Variants in SYNCRIP observed in about 807,000 individuals in gnomAD.
SYNCRIP encodes the protein heterogeneous nuclear ribonucleoprotein Q.
A neutral mutation model predicts 68.9 loss-of-function variants in SYNCRIP; 9 were observed. That is an observed-to-expected ratio of 0.13 (90% CI 0.08 to 0.23). The LOEUF is 0.23. Ranked by LOEUF, SYNCRIP falls within the 10% of genes least tolerant of loss-of-function variation. The pLI, the probability that SYNCRIP is intolerant of heterozygous loss-of-function variation, is 1.00. For synonymous variants in SYNCRIP, 258 were observed against 254.0 expected (o/e 1.02, Z -0.15); for missense variants, 414 against 770.6 (o/e 0.54, Z 5.48).
intron 6 of SYNCRIP, among the ~76,000 whole-genome samples, chr6:85,632,953 T>C (rs1431052564): frequency 7.0e-6 from 1 of 143,224 alleles, no homozygotes; most frequent in Non-Finnish European, 1.5e-5. Flanking sequence ...GTAATAATAA[T>C]TAAAACCGTT....
At chr6:85,620,228 A>AC in intron 8 of SYNCRIP, among the ~76,000 whole-genome samples, 1 of 152,372 alleles carries the variant, frequency 6.6e-6, no homozygotes, top group Admixed American at 6.5e-5. Context: ...CCTGGGTAAC[A>AC]CAGCGAGACT....
chr6:85,636,832 T>A, intron 6 of SYNCRIP, 135 bp downstream of exon 6: 1 of 725,832 alleles, frequency 1.4e-6, no homozygotes, highest in Non-Finnish European at 2.2e-6. Context: ...GCTTGCACAG[T>A]GATGTGGGAA....
rs141100944 is a variant in SYNCRIP, at chr6:85,628,340, T to A, written c.667-4228A>T. On this transcript the variant is annotated intron_variant, in intron 6 of 10. Coordinates refer to ENST00000369622, the MANE Select transcript of SYNCRIP (RefSeq NM_006372.5). ...CAAAATGCTGGGATCACAGGCATGA[T>A]CCACCGCACCTGGCCTAAAGATTTC... Among the ~76,000 whole-genome samples, 161 of 152,282 alleles carry A rather than the reference T, an allele frequency of 1.1e-3. 1 individual carries two copies. The East Asian group carries it at 0.02, about 19-fold the overall frequency.
chr6:85,638,684 A>C (rs953582886), intron 4 of SYNCRIP, among the ~76,000 whole-genome samples: 1 of 152,240 alleles, frequency 6.6e-6, no homozygotes, highest in Non-Finnish European at 1.5e-5. Flanking sequence ...AATTAATAAA[A>C]ACATTCATAA....
chr6:85,619,282 C>T lies in SYNCRIP; in HGVS notation c.1144G>A (p.Asp382Asn), dbSNP rs2128282133. ...ACCATATTTACCTTGACAGCACCATCTCGCTCATCAAAATGAATGAACGCA... is the reference window on the plus strand; with the variant it reads ...ACCATATTTACCTTGACAGCACCATTTCGCTCATCAAAATGAATGAACGCA... Reference protein sequence around the residue: ...DYAFIHFDERDGAVKAMEEMN... With the variant: ...DYAFIHFDERNGAVKAMEEMN... The change falls in exon 9 of 11, where the codon GAT becomes AAT. Residue 382 changes from aspartate (D) to asparagine (N), a missense_variant. Around this residue, in one of 6 missense-constraint regions of SYNCRIP, gnomAD observed 51 missense variants for 151.1 expected, o/e 0.34. Coordinates refer to ENST00000369622, the MANE Select transcript of SYNCRIP (RefSeq NM_006372.5). The T allele has an allele frequency of 6.2e-7, 1 of 1,613,962 alleles. No homozygotes were observed.
intron 10 of SYNCRIP, among the ~76,000 whole-genome samples, chr6:85,618,021 ATAATTT>A (rs929400338): frequency 5.9e-5 from 9 of 152,188 alleles, no homozygotes; most frequent in Admixed American, 5.9e-4. Flanking sequence ...CTACTGTGTT[ATAATTT>A]TAATACTCAT....
chr6:85,619,536 A>AT (rs1806155001), intron 8 of SYNCRIP, 119 bp from the exon 9 acceptor site: 2 of 249,216 alleles, frequency 8.0e-6, no homozygotes, highest in African/African-American at 3.5e-5. Flanking sequence ...GTCAGAATAT[A>AT]AAAAAAAAAA....
intron 6 of SYNCRIP, among the ~76,000 whole-genome samples, chr6:85,625,154 T>G (rs1303606674): frequency 6.6e-6 from 1 of 152,160 alleles, no homozygotes; most frequent in African/African-American, 2.4e-5. Context: ...AATCAAAATT[T>G]AATAAAGTTC....
At chr6:85,618,545 T>C (rs754385288) in intron 10 of SYNCRIP, among the ~76,000 whole-genome samples, 11 of 151,720 alleles carry the variant, frequency 7.3e-5, no homozygotes, top group Admixed American at 1.3e-4. Flanking sequence ...TGTCACCCAA[T>C]ACAAAACAAA....
At position 85,641,445 on chromosome 6, in the gene SYNCRIP, CAG is replaced by C. The variant is rs1359746308; in HGVS notation, c.-8_-7del. 4 of 1,611,182 alleles carry C rather than the reference CAG, an allele frequency of 2.5e-6. No individual in the cohort carries two copies. Among genetic ancestry groups the C allele is most frequent in the African/African-American group, 1.3e-5 (1 of 74,802 alleles). ...TTAACATGTTCTGTAGCCATGTTTC[CAG>C]AGATCTGTTCAAACGCAATAAGCAA... On this transcript the variant is annotated 5_prime_UTR_variant, in exon 2 of 11. Coordinates refer to ENST00000369622, the MANE Select transcript of SYNCRIP (RefSeq NM_006372.5).
chr6:85,628,749 A>T (rs988566221), intron 6 of SYNCRIP, among the ~76,000 whole-genome samples: 1 of 152,190 alleles, frequency 6.6e-6, no homozygotes, highest in African/African-American at 2.4e-5. Flanking sequence ...GTAAATACTT[A>T]ACTTTAGTCA....
intron 7 of SYNCRIP, among the ~76,000 whole-genome samples, chr6:85,623,571 A>AAAAAAAAAAAAAAAAAAAAAAAAC (rs1562087648): frequency 1.2e-4 from 18 of 147,970 alleles, no homozygotes; most frequent in African/African-American, 4.7e-4. Flanking sequence ...CCAAAAAAAA[A>AAAAAAAAAAAAAAAAAAAAAAAAC]AAAAAAAAAA....
downstream of SYNCRIP, chr6:85,612,902 C>T (rs1805354470): frequency 2.6e-6 from 4 of 1,550,776 alleles, no homozygotes; most frequent in Non-Finnish European, 3.5e-6. Flanking sequence ...AGGTCAGGAC[C>T]GGCCTCGACC....
At position 85,640,254 on chromosome 6, in the gene SYNCRIP, A is replaced by C; in HGVS notation, c.342T>G (p.Asp114Glu). The C allele has an allele frequency of 1.2e-5, 20 of 1,613,842 alleles. No homozygotes were observed. The highest frequency in any genetic ancestry group is 1.7e-5 in the Non-Finnish European group (20 of 1,179,868). Residue 114 changes from aspartate (D) to glutamate (E), a missense_variant, in exon 4 of 11, where the codon GAT becomes GAG. By Grantham distance (45) the Asp-to-Glu change is conservative. Transcript: ENST00000369622. ...QREKQGTKVA[D>E]SSKGPDEAKI... is the part of the protein sequence containing the mutation. ...TTGCCTCATCTGGTCCTTTACTAGA[A>C]TCTGCTACTTTGGTCCCTTGTTTTT...
In SYNCRIP at chr6:85,624,121, G is replaced by C; in HGVS notation, c.667-9C>G. The C allele has an allele frequency of 6.2e-7, 1 of 1,607,182 alleles. No individual in the cohort carries two copies. The highest frequency in any genetic ancestry group is 8.5e-7 in the Non-Finnish European group (1 of 1,177,276). On this transcript the variant is annotated splice_polypyrimidine_tract_variant and intron_variant, in intron 6 of 10. Coordinates refer to ENST00000369622, the MANE Select transcript of SYNCRIP (RefSeq NM_006372.5). ...ATTTCATGATTATTATACTGAAAGG[G>C]GAAAAAGTGCATCATGTTTTTAAAT...
chr6:85,626,307 T>C (rs1390220531), intron 6 of SYNCRIP, among the ~76,000 whole-genome samples: 2 of 152,314 alleles, frequency 1.3e-5, no homozygotes, highest in East Asian at 3.9e-4. Flanking sequence ...GTAGCCAGCC[T>C]TAGCAACAAA....
chr6:85,613,289 CAT>C (rs1805396199), downstream of SYNCRIP, among the ~76,000 whole-genome samples: 1 of 152,030 alleles, frequency 6.6e-6, no homozygotes, highest in Non-Finnish European at 1.5e-5. Flanking sequence ...ATGAAGTAAT[CAT>C]AAAATATGCT....
chr6:85,619,485 A>AC, intron 8 of SYNCRIP, 68 bp from the exon 9 acceptor site: 1 of 1,400,324 alleles, frequency 7.1e-7, no homozygotes, highest in Non-Finnish European at 9.7e-7. Flanking sequence ...CCACCACCCC[A>AC]CCCTACAAAG....
In SYNCRIP at chr6:85,624,848, T is replaced by C. The variant is rs544368525; in HGVS notation, c.667-736A>G. Among the ~76,000 whole-genome samples, 460 of 152,266 alleles carry C rather than the reference T, an allele frequency of 3.0e-3. 6 individuals carry two copies. The highest frequency in any genetic ancestry group is 4.6e-3 in the Admixed American group (71 of 15,294). On this transcript the variant is annotated intron_variant, in intron 6 of 10. Transcript: ENST00000369622. ...AAAGTATCCAAGTAATCTAGAAAAG[T>C]GGATTATATGGGTTAGTTAAAACCA...
Sources: gnomAD v4.1 joint callset for allele counts (sites outside exome capture counted in the v4.1 genomes callset) on GRCh38, gnomAD v4.1.1 for gene constraint, gnomAD v4.1.1 regional missense constraint, MANE v1.5 for transcripts, NCBI Gene and HGNC (gene_info 2026-07-23, HGNC 2026-07-21) for gene names.